Variants in HMBOX1 observed in about 807,000 individuals in gnomAD.
The protein encoded by HMBOX1 is homeobox-containing protein 1.
Under a neutral mutation model 54.5 loss-of-function variants are expected in HMBOX1, and 14 were observed. The observed-to-expected ratio is 0.26, with a 90% confidence interval of 0.17 to 0.40. HMBOX1 has a LOEUF of 0.40. Among genes scored for constraint, HMBOX1 ranks in the 10% least tolerant of loss-of-function variants. HMBOX1 has a pLI of 1.00. For missense variants in HMBOX1, 332 were observed against 514.4 expected (o/e 0.65, Z 3.43); for synonymous variants, 160 against 181.0 (o/e 0.88, Z 0.93).
At chr8:29,031,000 T>G (rs1478013411) in intron 6 of HMBOX1, among the ~76,000 whole-genome samples, 1 of 152,242 alleles carries the variant, frequency 6.6e-6, no homozygotes, top group Non-Finnish European at 1.5e-5. Flanking sequence ...AATTGCTTCC[T>G]TCTTCCTTAT....
chr8:29,048,972 G>T lies in HMBOX1; in HGVS notation c.1049G>T (p.Ser350Ile), dbSNP rs1196789466. 1.2e-6 allele frequency: 2 copies of T among 1,612,708 alleles called. No individual in the cohort carries two copies. Among genetic ancestry groups the T allele is most frequent in the Non-Finnish European group, 1.7e-6 (2 of 1,179,052 alleles). The change falls in exon 9 of 10, where the codon AGT (serine) becomes ATT (isoleucine). Residue 350 changes from serine (S) to isoleucine (I), a missense_variant. Transcript: ENST00000287701. ...RANIEAAILESHGIDVQSPGG... is the reference protein window; with the variant it reads ...RANIEAAILEIHGIDVQSPGG... ...TTCGAAGAAGCAGCAATCCTGGAGAGTCATGGGATAGATGTGCAGAGTCCA... is the reference window on the plus strand; with the variant it reads ...TTCGAAGAAGCAGCAATCCTGGAGATTCATGGGATAGATGTGCAGAGTCCA...
intron 1 of HMBOX1, among the ~76,000 whole-genome samples, chr8:28,930,908 T>C (rs987197968): frequency 1.3e-5 from 2 of 152,212 alleles, no homozygotes; most frequent in Non-Finnish European, 2.9e-5. Context: ...GTGAAACTTT[T>C]GATGGTAGGG....
At chr8:29,003,978 T>G (rs1833060731) in intron 4 of HMBOX1, among the ~76,000 whole-genome samples, 2 of 152,196 alleles carry the variant, frequency 1.3e-5, no homozygotes, top group African/African-American at 4.8e-5. Flanking sequence ...AGACTGAGAT[T>G]CCAAACTTCT....
At chr8:28,940,606 A>G (rs936756401) in intron 1 of HMBOX1, among the ~76,000 whole-genome samples, 1 of 152,234 alleles carries the variant, frequency 6.6e-6, no homozygotes, top group East Asian at 1.9e-4. Context: ...CATAATAAAT[A>G]TTGAGTGGGT....
intron 9 of HMBOX1, chr8:29,050,300 G>C: frequency 7.5e-6 from 6 of 796,592 alleles, no homozygotes; most frequent in Non-Finnish European, 9.1e-6. Flanking sequence ...AGTGCCTGAC[G>C]TACATCCTGC....
intron 1 of HMBOX1, among the ~76,000 whole-genome samples, chr8:28,936,291 C>T (rs1411643181): frequency 6.6e-6 from 1 of 152,016 alleles, no homozygotes; most frequent in African/African-American, 2.4e-5. Flanking sequence ...ACTGCTCACA[C>T]TGTTACACTC....
intron 2 of HMBOX1, among the ~76,000 whole-genome samples, chr8:28,967,937 G>C (rs1826720688): frequency 6.6e-6 from 1 of 152,158 alleles, no homozygotes; most frequent in Non-Finnish European, 1.5e-5. Flanking sequence ...GAATGTGTGT[G>C]TTTGGTTTTG....
At chr8:29,048,841 G>A in intron 8 of HMBOX1, 113 bp from the exon 9 acceptor site, 1 of 724,886 alleles carries the variant, frequency 1.4e-6, no homozygotes, top group South Asian at 1.9e-5. Context: ...AGAAATACAG[G>A]TTCTTGTTTA....
chr8:28,904,140 C>A (rs997481525), intron 1 of HMBOX1, among the ~76,000 whole-genome samples: 4 of 152,052 alleles, frequency 2.6e-5, no homozygotes, highest in Non-Finnish European at 5.9e-5. Context: ...ATAAACCATA[C>A]CCATAATGTA....
intron 1 of HMBOX1, among the ~76,000 whole-genome samples, chr8:28,956,381 C>A (rs1324435218): frequency 6.6e-6 from 1 of 150,802 alleles, no homozygotes; most frequent in Middle Eastern, 3.2e-3. Context: ...AGTTTCTGGT[C>A]TTTGTTAAGC....
rs2131438148 is a variant in HMBOX1, at chr8:28,890,643, T to G, written c.-93T>G. 6.5e-6 allele frequency: 1 copy of G among 152,956 alleles called. No homozygotes were observed. The highest frequency in any genetic ancestry group is 1.9e-4 in the East Asian group (1 of 5,178). 9.5% of individuals were successfully genotyped at this position (152,956 alleles called of 1,614,324 possible). ...CGTACTGGGACGTTGGGGAGGGGGC[T>G]GTGCCGGGCGGAGAGAACTCAGCGA... On this transcript the variant is annotated 5_prime_UTR_variant, in exon 1 of 10. Transcript: ENST00000287701.
At chr8:29,003,792 G>A (rs1047685150) in intron 4 of HMBOX1, among the ~76,000 whole-genome samples, 4 of 151,822 alleles carry the variant, frequency 2.6e-5, no homozygotes, top group African/African-American at 9.7e-5. Flanking sequence ...TGTGGAAGGC[G>A]AATTATAGAG....
intron 4 of HMBOX1, among the ~76,000 whole-genome samples, chr8:28,998,064 A>G (rs1465640920): frequency 6.6e-6 from 1 of 152,192 alleles, no homozygotes; most frequent in East Asian, 1.9e-4. Flanking sequence ...AAGATGTTTG[A>G]CTATGAATTC....
At chr8:28,895,043 T>A (rs906031020) in intron 1 of HMBOX1, among the ~76,000 whole-genome samples, 1 of 152,164 alleles carries the variant, frequency 6.6e-6, no homozygotes, top group South Asian at 2.1e-4. Flanking sequence ...CTCCTTCCTG[T>A]TAAGTGGTAA....
chr8:29,024,796 A>C (rs1801763071), intron 6 of HMBOX1, among the ~76,000 whole-genome samples: 1 of 152,164 alleles, frequency 6.6e-6, no homozygotes. Flanking sequence ...ATGCAAATGG[A>C]TTAGAGCAGG....
chr8:28,911,528 G>T (rs1767227189), intron 1 of HMBOX1, among the ~76,000 whole-genome samples: 1 of 152,014 alleles, frequency 6.6e-6, no homozygotes, highest in Admixed American at 6.6e-5. Context: ...GCTAATTTTT[G>T]TATTTTTAGT....
chr8:28,946,948 A>G (rs1822579973), intron 1 of HMBOX1, among the ~76,000 whole-genome samples: 1 of 152,224 alleles, frequency 6.6e-6, no homozygotes, highest in Non-Finnish European at 1.5e-5. Flanking sequence ...ATAATTCAGG[A>G]TAAGGGATTT....
At chr8:28,983,751 C>T (rs1276337270) in intron 4 of HMBOX1, among the ~76,000 whole-genome samples, 1 of 152,142 alleles carries the variant, frequency 6.6e-6, no homozygotes, top group Non-Finnish European at 1.5e-5. Context: ...GTGGTGTGCC[C>T]TCTCCAAAAA....
At position 28,996,377 on chromosome 8, in the gene HMBOX1, G is replaced by A. The variant is rs1831845558; in HGVS notation, c.587-12695G>A. On this transcript the variant is annotated intron_variant, in intron 4 of 9. Coordinates refer to ENST00000287701, the MANE Select transcript of HMBOX1 (RefSeq NM_001135726.3). ...TTATCAGATATGTCCCTTAGCAGAT[G>A]GAGTGTTTGCAAATATTTTCTCCCA... 2.0e-5 allele frequency among the ~76,000 whole-genome samples: 3 copies of A among 152,226 alleles called. No individual in the cohort carries two copies. The South Asian group carries it at 6.2e-4, about 32-fold the overall frequency.
Sources: gnomAD v4.1 joint callset for allele counts (sites outside exome capture counted in the v4.1 genomes callset) on GRCh38, gnomAD v4.1.1 for gene constraint, MANE v1.5 for transcripts, NCBI Gene and HGNC (gene_info 2026-07-23, HGNC 2026-07-21) for gene names.